The following KLF12 variants were observed in gnomAD, a reference collection of about 807,000 sequenced individuals.
The protein encoded by KLF12 is Krueppel-like factor 12.
In KLF12, 9 loss-of-function variants were observed where a neutral mutation model predicts 37.8. The ratio of observed to expected loss-of-function variants is 0.24; its 90% CI spans 0.14 to 0.42. The LOEUF (loss-of-function observed/expected upper bound fraction) is 0.42, where lower values mean the gene tolerates loss of function less well. Ranked by LOEUF, KLF12 falls within the 10% of genes least tolerant of loss-of-function variation. The pLI, the probability that KLF12 is intolerant of heterozygous loss-of-function variation, is 1.00. For missense variants in KLF12, 411 were observed against 516.0 expected, an observed-to-expected ratio of 0.80 and a Z score of 1.97; for synonymous variants, 208 against 202.1, an observed-to-expected ratio of 1.03 and a Z score of -0.25.
At chr13:73,850,177 C>T (rs1885260125) in intron 3 of KLF12, among the ~76,000 whole-genome samples, 1 of 152,142 alleles carries the variant, frequency 6.6e-6, no homozygotes, top group South Asian at 2.1e-4. Context: ...ATTATGCTGT[C>T]ACATTGTCTT....
chr13:74,150,245 A>T, the KLF12 span, among the ~76,000 whole-genome samples: 190 of 152,238 alleles, frequency 1.2e-3, no homozygotes, highest in African/African-American at 4.5e-3. Flanking sequence ...TATCTCTCTA[A>T]TACATGTTGA....
chr13:74,090,107 C>T (rs891510027), intron 1 of KLF12, among the ~76,000 whole-genome samples: 1 of 151,892 alleles, frequency 6.6e-6, no homozygotes, highest in Admixed American at 6.6e-5. Context: ...AGAATACTAA[C>T]TCAATATACA....
the KLF12 span, among the ~76,000 whole-genome samples, chr13:74,185,770 C>A: frequency 6.6e-6 from 1 of 152,150 alleles, no homozygotes; most frequent in Admixed American, 6.5e-5. Flanking sequence ...CCTCAGCCTC[C>A]CAAGTAGCTG....
At chr13:73,729,135 C>T (rs1876875432) in intron 6 of KLF12, among the ~76,000 whole-genome samples, 3 of 152,158 alleles carry the variant, frequency 2.0e-5, no homozygotes, top group South Asian at 4.1e-4. Context: ...TAAAGTTTCA[C>T]GGCCATGATG....
chr13:74,136,567 G>A (rs1194395621), upstream of KLF12, among the ~76,000 whole-genome samples: 1 of 152,212 alleles, frequency 6.6e-6, no homozygotes, highest in South Asian at 2.1e-4. Context: ...TTTCTCGAGT[G>A]AGCTGAGTGG....
rs539046594 is a variant in KLF12, at chr13:73,982,970, A to C, written c.33+12020T>G. Among the ~76,000 whole-genome samples, 20 of 152,290 alleles carry C rather than the reference A, an allele frequency of 1.3e-4. No homozygotes were observed. The South Asian group carries it at 4.1e-3, about 32-fold the overall frequency. On this transcript the variant is annotated intron_variant, in intron 2 of 7. Coordinates refer to ENST00000377669, the MANE Select transcript of KLF12 (RefSeq NM_007249.5). ...CACTTTTTTTCCAAAAAAAAAAGAA[A>C]AAAAAGTAAAATTCATTCTCATTTT...
intron 5 of KLF12, among the ~76,000 whole-genome samples, chr13:73,769,752 G>T (rs1341529913): frequency 1.3e-5 from 2 of 152,070 alleles, no homozygotes; most frequent in East Asian, 1.9e-4. Context: ...CAAAAATGTT[G>T]GAATTATTCA....
chr13:73,922,499 A>C (rs1889163681), intron 3 of KLF12, among the ~76,000 whole-genome samples: 1 of 152,222 alleles, frequency 6.6e-6, no homozygotes, highest in Non-Finnish European at 1.5e-5. Flanking sequence ...TCTTATGTGT[A>C]AGATTTTATA....
rs1188033094 is a variant in KLF12 at position 73,763,195 on chromosome 13, T to C, written c.869+1743A>G. Among the ~76,000 whole-genome samples, 4 of 152,028 alleles carry C rather than the reference T, an allele frequency of 2.6e-5. No individual in the cohort carries two copies. The East Asian group carries it at 5.8e-4, about 22-fold the overall frequency. On this transcript the variant is annotated intron_variant, in intron 6 of 7. Coordinates refer to ENST00000377669, the MANE Select transcript of KLF12 (RefSeq NM_007249.5). Reference sequence around the variant, plus strand: ...TCAAATTAGTCTTAAATAAAGCTGCTAACTTCTCCTTCTAAACATTATATT... The same window carrying C: ...TCAAATTAGTCTTAAATAAAGCTGCCAACTTCTCCTTCTAAACATTATATT...
At chr13:73,805,630 GAGGGAGGGAGGGAGGGAGGGAGGA>G (rs1882536864) in intron 5 of KLF12, among the ~76,000 whole-genome samples, 4 of 36,102 alleles carry the variant, frequency 1.1e-4, no homozygotes, top group African/African-American at 2.9e-4. Context: ...GGGAGGGAGG[GAGGGAGGGAGGGAGGGAGGGAGGA>G]AGGAAGGAAG....
chr13:74,245,303 A>ATCTG, the KLF12 span, among the ~76,000 whole-genome samples: 1 of 141,828 alleles, frequency 7.1e-6, no homozygotes, highest in Non-Finnish European at 1.5e-5. Flanking sequence ...TTATCTATCT[A>ATCTG]TCTATCTATC....
chr13:74,063,897 C>A lies in KLF12; in HGVS notation c.-31-68844G>T, dbSNP rs184742384. ...TCCAGTTTCCTAATTCAGTGCTGTGCCCAAGCTGCCCTTTGATTCCAAAAG... is the reference window on the plus strand; with the variant it reads ...TCCAGTTTCCTAATTCAGTGCTGTGACCAAGCTGCCCTTTGATTCCAAAAG... On this transcript the variant is annotated intron_variant, in intron 1 of 7. Coordinates refer to ENST00000377669, the MANE Select transcript of KLF12 (RefSeq NM_007249.5). Among the ~76,000 whole-genome samples, 109 of 152,262 alleles carry A rather than the reference C, an allele frequency of 7.2e-4. 1 individual carries two copies. Among genetic ancestry groups the A allele is most frequent in the Non-Finnish European group, 9.1e-4 (62 of 68,016 alleles).
chr13:74,234,883 A>T, the KLF12 span, among the ~76,000 whole-genome samples: 1 of 152,186 alleles, frequency 6.6e-6, no homozygotes, highest in African/African-American at 2.4e-5. Context: ...AAAGGTATAC[A>T]TTTACTGTAT....
chr13:74,197,186 G>T, the KLF12 span, among the ~76,000 whole-genome samples: 2 of 152,060 alleles, frequency 1.3e-5, no homozygotes, highest in Non-Finnish European at 2.9e-5. Context: ...TATTCATATG[G>T]TTATAATAAA....
At chr13:73,709,408 C>A (rs1875191978) in intron 7 of KLF12, among the ~76,000 whole-genome samples, 3 of 152,094 alleles carry the variant, frequency 2.0e-5, no homozygotes, top group African/African-American at 7.2e-5. Context: ...TGGTCACACA[C>A]AAGTAACTTA....
chr13:73,787,643 C>G (rs1011605250), intron 5 of KLF12, among the ~76,000 whole-genome samples: 12 of 152,104 alleles, frequency 7.9e-5, no homozygotes, highest in Non-Finnish European at 1.6e-4. Context: ...CTTGAAAGAT[C>G]ACAAAGCTGG....
Position 73,952,158 on chromosome 13 carries a change from T to C in KLF12, c.34-8088A>G, listed in dbSNP as rs773584894. ...CTAGAGAAAAGACCAGAAAAGTTACTTGGAGTCAGGTCATGAAGGGTTGTA... is the reference window on the plus strand; with the variant it reads ...CTAGAGAAAAGACCAGAAAAGTTACCTGGAGTCAGGTCATGAAGGGTTGTA... On this transcript the variant is annotated intron_variant, in intron 2 of 7. Transcript: ENST00000377669. Among the ~76,000 whole-genome samples, 23 of 152,326 alleles carry C rather than the reference T, an allele frequency of 1.5e-4. No homozygotes were observed. In the South Asian group the frequency reaches 1.7e-3, roughly 11 times the overall value.
chr13:73,907,910 C>T (rs1888380578), intron 3 of KLF12, among the ~76,000 whole-genome samples: 1 of 152,176 alleles, frequency 6.6e-6, no homozygotes, highest in South Asian at 2.1e-4. Flanking sequence ...CTTCCCCTGG[C>T]TTTTCTGCCT....
the KLF12 span, among the ~76,000 whole-genome samples, chr13:74,268,632 G>C: frequency 2.6e-5 from 4 of 152,270 alleles, no homozygotes; most frequent in African/African-American, 7.2e-5. Flanking sequence ...CTGTTCAGGA[G>C]AGCAGTATAT....
Sources: gnomAD v4.1 joint callset for allele counts (sites outside exome capture counted in the v4.1 genomes callset) on GRCh38, gnomAD v4.1.1 for gene constraint, MANE v1.5 for transcripts, NCBI Gene and HGNC (gene_info 2026-07-23, HGNC 2026-07-21) for gene names.